ERG: variants seen among roughly 807,000 people sequenced by gnomAD.
The protein encoded by ERG is ETS transcription factor ERG, also known as transcriptional regulator ERG.
In ERG, 9 loss-of-function variants were observed where a neutral mutation model predicts 55.3. The ratio of observed to expected loss-of-function variants is 0.16; its 90% CI spans 0.10 to 0.28. The LOEUF (loss-of-function observed/expected upper bound fraction) is 0.28, where lower values mean the gene tolerates loss of function less well. Among genes scored for constraint, ERG ranks in the 10% least tolerant of loss-of-function variants. ERG has a pLI of 1.00. For missense variants in ERG, 434 were observed against 631.6 expected (o/e 0.69, Z 3.35); for synonymous variants, 223 against 237.3 (o/e 0.94, Z 0.55).
At chr21:38,436,475 C>T (rs564916942) in intron 2 of ERG, among the ~76,000 whole-genome samples, 1 of 152,314 alleles carries the variant, frequency 6.6e-6, no homozygotes, top group Non-Finnish European at 1.5e-5. Flanking sequence ...GCAGGAAAGA[C>T]GTTCAGCTTC....
At chr21:38,569,926 T>C (rs566362582) in intron 2 of ERG, among the ~76,000 whole-genome samples, 1 of 152,190 alleles carries the variant, frequency 6.6e-6, no homozygotes, top group South Asian at 2.1e-4. Context: ...ACACTTGGAG[T>C]TTATTTTTCA....
At position 38,425,114 on chromosome 21, in the gene ERG, T is replaced by C. The variant is rs147331265; in HGVS notation, c.237-1553A>G. Reference sequence around the variant, plus strand: ...AAATCCAGCTTAGGGCCAGGAGTGGTGGCTCACACCTGTAATCCCAGCATT... The same window carrying C: ...AAATCCAGCTTAGGGCCAGGAGTGGCGGCTCACACCTGTAATCCCAGCATT... On this transcript the variant is annotated intron_variant, in intron 2 of 9. Transcript: ENST00000288319. Among the ~76,000 whole-genome samples, 628 of 152,274 alleles carry C rather than the reference T, an allele frequency of 4.1e-3. 10 individuals are homozygous for C. The highest frequency in any genetic ancestry group is 0.014 in the African/African-American group (594 of 41,548).
chr21:38,516,492 A>C (rs1237318972), intron 2 of ERG, among the ~76,000 whole-genome samples: 1 of 152,076 alleles, frequency 6.6e-6, no homozygotes, highest in African/African-American at 2.4e-5. Flanking sequence ...AAGACACTGC[A>C]TGGTCATGGA....
At chr21:38,621,241 C>G (rs576108464) in intron 1 of ERG, among the ~76,000 whole-genome samples, 1 of 151,958 alleles carries the variant, frequency 6.6e-6, no homozygotes, top group African/African-American at 2.4e-5. Flanking sequence ...GTCCCCAACT[C>G]TTATGTCCTA....
At position 38,562,205 on chromosome 21, in the gene ERG, T is replaced by C. The variant is rs2059897011; in HGVS notation, c.-41+13457A>G. ...ATTATTATAAAACTCAGTGTGTAGATATTATATATATATACACATGCATAC... is the reference window on the plus strand; with the variant it reads ...ATTATTATAAAACTCAGTGTGTAGACATTATATATATATACACATGCATAC... On this transcript the variant is annotated intron_variant, in intron 2 of 8. Transcript: ENST00000398897. 1.3e-5 allele frequency among the ~76,000 whole-genome samples: 2 copies of C among 152,018 alleles called. 1 individual carries two copies. Among genetic ancestry groups the C allele is most frequent in the South Asian group, 4.1e-4 (2 of 4,832 alleles).
Position 38,655,165 on chromosome 21 carries a change from T to C in ERG, c.-150+6493A>G, listed in dbSNP as rs117948363. 1.0e-2 allele frequency among the ~76,000 whole-genome samples: 1,516 copies of C among 152,298 alleles called. 12 individuals carry two copies. Among genetic ancestry groups the C allele is most frequent in the Non-Finnish European group, 0.016 (1,110 of 68,014 alleles). ...CATTTCCCATGCAAAAATCCTGAAA[T>C]GCACCTTCTTCAGTGCTGAGGTCTA... On this transcript the variant is annotated intron_variant, in intron 1 of 10. Coordinates refer to the ERG transcript ENST00000398910.
the ERG span, among the ~76,000 whole-genome samples, chr21:38,373,879 ATT>A: frequency 3.3e-5 from 5 of 151,470 alleles, no homozygotes; most frequent in African/African-American, 7.3e-5. Flanking sequence ...TTTGTAAACT[ATT>A]TTTTTTTAAG....
intron 1 of ERG, among the ~76,000 whole-genome samples, chr21:38,472,719 A>C (rs2059150622): frequency 6.6e-6 from 1 of 152,218 alleles, no homozygotes; most frequent in Non-Finnish European, 1.5e-5. Flanking sequence ...GCATTCCCAA[A>C]TCACAGGAGA....
intron 5 of ERG, 43 bp downstream of exon 5, chr21:38,402,514 A>C: frequency 6.8e-7 from 1 of 1,472,928 alleles, no homozygotes. Flanking sequence ...TGTACGTAAG[A>C]CCCTACGCTC....
intron 2 of ERG, among the ~76,000 whole-genome samples, chr21:38,435,357 T>C (rs1361376818): frequency 1.3e-5 from 2 of 152,072 alleles, no homozygotes; most frequent in East Asian, 1.9e-4. Flanking sequence ...GCAGGGTAAT[T>C]TGTGGGTCTG....
At chr21:38,500,045 C>CT (rs2059409960), upstream of ERG, among the ~76,000 whole-genome samples, 1 of 151,924 alleles carries the variant, frequency 6.6e-6, no homozygotes, top group Admixed American at 6.6e-5. Flanking sequence ...TCTGTTTCCC[C>CT]GAAAATTTCA....
intron 2 of ERG, among the ~76,000 whole-genome samples, chr21:38,543,178 A>G (rs780448092): frequency 3.9e-5 from 6 of 152,144 alleles, no homozygotes; most frequent in Non-Finnish European, 5.9e-5. Flanking sequence ...AATTCTTCAA[A>G]TATCTAAAAT....
chr21:38,578,948 C>T (rs1424040728), intron 1 of ERG, among the ~76,000 whole-genome samples: 1 of 152,144 alleles, frequency 6.6e-6, no homozygotes, highest in Non-Finnish European at 1.5e-5. Flanking sequence ...CAGGGCATTT[C>T]AAAGGAAGCC....
chr21:38,375,830 T>C (rs1163822797), downstream of ERG, among the ~76,000 whole-genome samples: 1 of 152,096 alleles, frequency 6.6e-6, no homozygotes, highest in Admixed American at 6.6e-5. Context: ...GGGCCCCGGG[T>C]AGTCATAGTC....
intron 1 of ERG, among the ~76,000 whole-genome samples, chr21:38,455,166 C>T (rs2058976975): frequency 6.6e-6 from 1 of 150,428 alleles, no homozygotes; most frequent in South Asian, 2.1e-4. Context: ...AAGTTGATAG[C>T]CCTCAAACTT....
At chr21:38,526,394 A>G (rs1247419935) in intron 2 of ERG, among the ~76,000 whole-genome samples, 2 of 152,202 alleles carry the variant, frequency 1.3e-5, no homozygotes. Flanking sequence ...TGAAGTAGTA[A>G]CAACTGGAAA....
chr21:38,581,743 A>G (rs554577661), intron 1 of ERG, among the ~76,000 whole-genome samples: 2 of 152,244 alleles, frequency 1.3e-5, no homozygotes, highest in East Asian at 1.9e-4. Context: ...GTGCAACCCA[A>G]TGCTAAAGGG....
At chr21:38,426,668 C>T (rs148900257) in intron 2 of ERG, among the ~76,000 whole-genome samples, 9 of 152,224 alleles carry the variant, frequency 5.9e-5, no homozygotes, top group East Asian at 3.9e-4. Flanking sequence ...TGGTGACTCA[C>T]GCCTGTAATC....
At chr21:38,602,740 T>C (rs531610581) in intron 1 of ERG, among the ~76,000 whole-genome samples, 1 of 151,964 alleles carries the variant, frequency 6.6e-6, no homozygotes, top group Non-Finnish European at 1.5e-5. Context: ...AGAAAATCTT[T>C]GAACACGTCT....
Sources: gnomAD v4.1 joint callset for allele counts (sites outside exome capture counted in the v4.1 genomes callset) on GRCh38, gnomAD v4.1.1 for gene constraint, MANE v1.5 for transcripts, NCBI Gene and HGNC (gene_info 2026-07-23, HGNC 2026-07-21) for gene names.